The following KAZN variants were observed in gnomAD, a reference collection of about 807,000 sequenced individuals.
KAZN encodes kazrin.
KAZN carries 40 observed loss-of-function variants against 87.4 expected under a neutral mutation model. The observed-to-expected ratio is 0.46, with a 90% CI of 0.36 to 0.60. The LOEUF (loss-of-function observed/expected upper bound fraction) is 0.60, where lower values mean the gene tolerates loss of function less well. Ranked by LOEUF, KAZN falls within the 20% of genes least tolerant of loss-of-function variation. The pLI, the probability that KAZN is intolerant of heterozygous loss-of-function variation, is 0.00. For synonymous variants in KAZN, 466 were observed against 458.3 expected (o/e 1.02, Z -0.22); for missense variants, 898 against 1,073.9 (o/e 0.84, Z 2.29).
At chr1:15,040,618 T>C (rs942210646) in intron 3 of KAZN, among the ~76,000 whole-genome samples, 1 of 151,916 alleles carries the variant, frequency 6.6e-6, no homozygotes, top group Admixed American at 6.6e-5. Flanking sequence ...ATACAAAAAT[T>C]ATCTGGATGT....
At chr1:14,823,058 T>C (rs1436602834) in intron 1 of KAZN, among the ~76,000 whole-genome samples, 1 of 151,990 alleles carries the variant, frequency 6.6e-6, no homozygotes, top group East Asian at 1.9e-4. Flanking sequence ...CTGGGAGTGT[T>C]TGCTGGGGAG....
At chr1:14,061,910 G>A (rs1642810326) in intron 1 of KAZN, among the ~76,000 whole-genome samples, 1 of 152,156 alleles carries the variant, frequency 6.6e-6, no homozygotes, top group African/African-American at 2.4e-5. Context: ...GTGCAGGGTG[G>A]AGCAAATGGA....
At chr1:14,252,774 C>T (rs1282709324) in intron 2 of KAZN, among the ~76,000 whole-genome samples, 3 of 152,172 alleles carry the variant, frequency 2.0e-5, no homozygotes, top group Non-Finnish European at 4.4e-5. Context: ...TAAATCCCCA[C>T]GTCTCAAGGG....
intron 1 of KAZN, among the ~76,000 whole-genome samples, chr1:14,005,586 A>C (rs1013424575): frequency 6.6e-6 from 1 of 152,132 alleles, no homozygotes; most frequent in Non-Finnish European, 1.5e-5. Context: ...TGAAGACATA[A>C]TCTGTTAATA....
Position 15,101,782 on chromosome 1 carries a change from C to CCAGGGCA in KAZN, c.1779+14_1779+20dup. 1.3e-6 allele frequency: 2 copies of CCAGGGCA among 1,560,098 alleles called. No homozygotes were observed. Among genetic ancestry groups the CCAGGGCA allele is most frequent in the Non-Finnish European group, 1.7e-6 (2 of 1,150,516 alleles). ...GTGAACTTCAGCAGGGAGGTGAGGA[C>CCAGGGCA]CAGGGCACAGGGTGGGGGCACCTTC... On this transcript the variant is annotated intron_variant, in intron 11 of 14. Transcript: ENST00000376030.
Position 15,002,498 on chromosome 1 carries a change from G to A in KAZN, c.419-32251G>A, listed in dbSNP as rs924251932. ...ATACCAACTTGGAATCAGACTGCCC[G>A]AGTTCTAAGCCTAGCTTGGCCAGTG... is the stretch of plus-strand genomic sequence containing the variant. On this transcript the variant is annotated intron_variant, in intron 2 of 14. Transcript: ENST00000376030. 5.9e-5 allele frequency among the ~76,000 whole-genome samples: 9 copies of A among 152,144 alleles called. No individual in the cohort carries two copies. The East Asian group carries it at 9.6e-4, about 16-fold the overall frequency.
chr1:14,971,323 G>A (rs1470757631), intron 2 of KAZN, among the ~76,000 whole-genome samples: 4 of 152,168 alleles, frequency 2.6e-5, no homozygotes, highest in Non-Finnish European at 5.9e-5. Flanking sequence ...GCTTGAATCC[G>A]GGAGGCAGAG....
chr1:14,581,359 A>C (rs572625127), intron 2 of KAZN, among the ~76,000 whole-genome samples: 22 of 151,930 alleles, frequency 1.4e-4, no homozygotes, highest in Non-Finnish European at 2.6e-4. Context: ...TGTCAGCAAA[A>C]CCTGTGGCTC....
intron 1 of KAZN, among the ~76,000 whole-genome samples, chr1:14,793,702 C>T (rs967344118): frequency 6.6e-6 from 1 of 152,132 alleles, no homozygotes; most frequent in Admixed American, 6.6e-5. Flanking sequence ...TGAGACAGAT[C>T]AGAACAGGGC....
chr1:14,863,040 T>C (rs1249255052), intron 1 of KAZN, among the ~76,000 whole-genome samples: 2 of 151,058 alleles, frequency 1.3e-5, no homozygotes, highest in South Asian at 2.1e-4. Context: ...GTTCCATTTA[T>C]GGATTATTTC....
At chr1:13,935,252 G>GTAGTAATAATAA (rs1553175647) in intron 1 of KAZN, among the ~76,000 whole-genome samples, 56 of 147,070 alleles carry the variant, frequency 3.8e-4, no homozygotes, top group South Asian at 2.2e-4. Flanking sequence ...AGTAGTAGTA[G>GTAGTAATAATAA]TAATAATAAT....
chr1:14,605,439 C>T (rs1335937396), intron 1 of KAZN, among the ~76,000 whole-genome samples: 1 of 152,056 alleles, frequency 6.6e-6, no homozygotes, highest in Non-Finnish European at 1.5e-5. Flanking sequence ...TACTATTGAC[C>T]GGAAGCCTTA....
intron 2 of KAZN, among the ~76,000 whole-genome samples, chr1:14,282,491 C>T (rs183413570): frequency 6.6e-6 from 1 of 152,186 alleles, no homozygotes; most frequent in African/African-American, 2.4e-5. Context: ...TAACATGTAT[C>T]CCTCTCATTC....
At chr1:14,605,635 A>T (rs1273532950) in intron 1 of KAZN, among the ~76,000 whole-genome samples, 1 of 152,156 alleles carries the variant, frequency 6.6e-6, no homozygotes, top group Non-Finnish European at 1.5e-5. Context: ...CATTAAGTGG[A>T]AGTGGATCAT....
chr1:15,076,377 C>T (rs920175344), intron 8 of KAZN, among the ~76,000 whole-genome samples: 5 of 152,232 alleles, frequency 3.3e-5, no homozygotes, highest in Non-Finnish European at 5.9e-5. Context: ...GGAAAGGCCT[C>T]GGCTTCGGAG....
At chr1:14,591,172 C>T (rs755851535) in intron 2 of KAZN, among the ~76,000 whole-genome samples, 2 of 95,592 alleles carry the variant, frequency 2.1e-5, no homozygotes, top group Admixed American at 1.2e-4. Flanking sequence ...TCAAATAGTG[C>T]CCCCCCCCCA....
chr1:14,348,089 C>T (rs2100930317), intron 2 of KAZN, among the ~76,000 whole-genome samples: 1 of 134,288 alleles, frequency 7.4e-6, no homozygotes, highest in South Asian at 2.4e-4. Flanking sequence ...CTCACTCTGT[C>T]ATCCAGGCTG....
chr1:15,114,196 A>G (rs1641758625), intron 14 of KAZN: 1 of 323,898 alleles, frequency 3.1e-6, no homozygotes, highest in Non-Finnish European at 5.8e-6. Flanking sequence ...TTTGTGAATC[A>G]GGAATAATCA....
intron 1 of KAZN, among the ~76,000 whole-genome samples, chr1:14,153,082 A>G (rs1272037500): frequency 4.6e-5 from 7 of 152,204 alleles, no homozygotes; most frequent in Non-Finnish European, 1.0e-4. Context: ...TTCTTATAAA[A>G]TCTAATTATG....
Sources: gnomAD v4.1 joint callset for allele counts (sites outside exome capture counted in the v4.1 genomes callset) on GRCh38, gnomAD v4.1.1 for gene constraint, MANE v1.5 for transcripts, NCBI Gene and HGNC (gene_info 2026-07-23, HGNC 2026-07-21) for gene names.